SLCO5A1: variants seen among roughly 807,000 people sequenced by gnomAD.
SLCO5A1 encodes the protein solute carrier organic anion transporter family member 5A1.
In SLCO5A1, 39 loss-of-function variants were observed where a neutral mutation model predicts 65.1. The ratio of observed to expected loss-of-function variants is 0.60; its 90% CI spans 0.46 to 0.78. SLCO5A1 has a LOEUF of 0.78. Among genes scored for constraint, SLCO5A1 ranks in the 30% least tolerant of loss-of-function variants. The pLI is 0.00. For missense variants in SLCO5A1, 1,029 were observed against 1,069.4 expected, an observed-to-expected ratio of 0.96 and a Z score of 0.53; for synonymous variants, 438 against 415.7, an observed-to-expected ratio of 1.05 and a Z score of -0.65.
chr8:69,688,082 G>C (rs2933072), intron 6 of SLCO5A1, among the ~76,000 whole-genome samples: 56,995 of 151,678 alleles, frequency 0.38, 10,785 homozygotes, highest in South Asian at 0.55. Context: ...TTTGCTTATA[G>C]TTTTTATCCC....
At chr8:69,732,751 T>A (rs1199623301) in intron 5 of SLCO5A1, among the ~76,000 whole-genome samples, 1 of 151,980 alleles carries the variant, frequency 6.6e-6, no homozygotes, top group Non-Finnish European at 1.5e-5. Flanking sequence ...TAGCTAGGCA[T>A]GGTGGCGCAT....
chr8:69,709,432 C>G (rs551772878), intron 5 of SLCO5A1, among the ~76,000 whole-genome samples: 1 of 152,252 alleles, frequency 6.6e-6, no homozygotes, highest in East Asian at 1.9e-4. Flanking sequence ...TGGGCTAGAA[C>G]AGAGGATAAA....
chr8:69,797,829 T>C (rs940151085), intron 2 of SLCO5A1, among the ~76,000 whole-genome samples: 5 of 152,250 alleles, frequency 3.3e-5, no homozygotes, highest in African/African-American at 1.2e-4. Flanking sequence ...ATTTTAATTT[T>C]GCCCCGGTCC....
In SLCO5A1 at chr8:69,804,112, A is replaced by C. The variant is rs114413171; in HGVS notation, c.907+27655T>G. On this transcript the variant is annotated intron_variant, in intron 2 of 9. Coordinates refer to ENST00000260126, the MANE Select transcript of SLCO5A1 (RefSeq NM_030958.3). ...AAAGAGTTGCCTTCCTTGTGGGAGC[A>C]AGCGAGAGACCATGCAAAAGTTAAG... Among the ~76,000 whole-genome samples, 895 of 152,292 alleles carry C rather than the reference A, an allele frequency of 5.9e-3. 10 individuals are homozygous for C. Among genetic ancestry groups the C allele is most frequent in the African/African-American group, 0.02 (842 of 41,556 alleles).
chr8:69,704,059 C>A (rs534295602), intron 6 of SLCO5A1, among the ~76,000 whole-genome samples: 3 of 151,472 alleles, frequency 2.0e-5, no homozygotes, highest in African/African-American at 7.3e-5. Flanking sequence ...CAAATCAGGG[C>A]TTTTTTTTAC....
At chr8:69,831,676 A>G in intron 2 of SLCO5A1, 91 bp downstream of exon 2, 1 of 1,345,650 alleles carries the variant, frequency 7.4e-7, no homozygotes, top group South Asian at 1.4e-5. Context: ...TATACATGAA[A>G]ATGTGAAAGA....
In SLCO5A1 at chr8:69,673,331, AG is replaced by A; in HGVS notation, c.2090-6del. ...AGATTGGAGTAGGAATGTATGCTAG[AG>A]GGGTGGAGAAGAAGAAAATACGAAG... On this transcript the variant is annotated splice_region_variant and splice_polypyrimidine_tract_variant and intron_variant, in intron 9 of 9. Coordinates refer to ENST00000260126, the MANE Select transcript of SLCO5A1 (RefSeq NM_030958.3). 4 of 1,603,860 alleles carry A rather than the reference AG, an allele frequency of 2.5e-6. No homozygotes were observed. The highest frequency in any genetic ancestry group is 3.4e-6 in the Non-Finnish European group (4 of 1,172,858).
At chr8:69,818,766 T>A (rs554858904) in intron 2 of SLCO5A1, among the ~76,000 whole-genome samples, 1 of 152,228 alleles carries the variant, frequency 6.6e-6, no homozygotes, top group Admixed American at 6.5e-5. Flanking sequence ...CAAAATTCAA[T>A]CATTACTGTT....
At chr8:69,799,299 A>G (rs1819636747) in intron 2 of SLCO5A1, among the ~76,000 whole-genome samples, 1 of 152,214 alleles carries the variant, frequency 6.6e-6, no homozygotes, top group South Asian at 2.1e-4. Flanking sequence ...ATTTCCCACA[A>G]ATAAAAAGAA....
At chr8:69,729,297 A>G (rs1816228050) in intron 5 of SLCO5A1, among the ~76,000 whole-genome samples, 1 of 151,916 alleles carries the variant, frequency 6.6e-6, no homozygotes, top group Non-Finnish European at 1.5e-5. Flanking sequence ...ACAAAACATT[A>G]GCCGGGCGAG....
rs959438179 is a variant in SLCO5A1, at chr8:69,832,994, T to TCCG, written c.-324_-322dup. 2.1e-4 allele frequency: 72 copies of TCCG among 339,174 alleles called. No homozygotes were observed. Among genetic ancestry groups the TCCG allele is most frequent in the African/African-American group, 6.6e-4 (30 of 45,524 alleles). 21.0% of individuals were successfully genotyped at this position (339,174 alleles called of 1,614,324 possible). The stretch of plus-strand genomic sequence containing the variant: ...CCTCGCGCGTCCCGGGCTCATCCCC[T>TCCG]CCGCCGCCGCCGCCGCCGCCGCCGC... On this transcript the variant is annotated 5_prime_UTR_variant, in exon 2 of 10. Transcript: ENST00000260126. The surrounding 1 kb of genome is among the most constrained non-coding windows in gnomAD (Gnocchi z 4.5).
At chr8:69,770,762 AGT>A (rs1162360863) in intron 2 of SLCO5A1, among the ~76,000 whole-genome samples, 2 of 152,220 alleles carry the variant, frequency 1.3e-5, no homozygotes, top group African/African-American at 2.4e-5. Context: ...TGCCCCCGCC[AGT>A]GTTTCCTGCA....
At chr8:69,756,036 CTT>C (rs33960552) in intron 3 of SLCO5A1, among the ~76,000 whole-genome samples, 1 of 151,878 alleles carries the variant, frequency 6.6e-6, no homozygotes, top group Non-Finnish European at 1.5e-5. Context: ...CCAATATAGA[CTT>C]TTTTTTGTCA....
At chr8:69,735,327 C>A (rs1278337169) in intron 5 of SLCO5A1, among the ~76,000 whole-genome samples, 1 of 152,128 alleles carries the variant, frequency 6.6e-6, no homozygotes, top group African/African-American at 2.4e-5. Context: ...TGGGGATATA[C>A]CCAAAGGAAT....
intron 6 of SLCO5A1, among the ~76,000 whole-genome samples, chr8:69,694,621 A>T (rs1190466103): frequency 6.6e-6 from 1 of 152,182 alleles, no homozygotes; most frequent in Non-Finnish European, 1.5e-5. Flanking sequence ...AAAGGATTCC[A>T]TTTTTGTTCA....
At chr8:69,799,758 A>T (rs1586814005) in intron 2 of SLCO5A1, among the ~76,000 whole-genome samples, 2 of 152,302 alleles carry the variant, frequency 1.3e-5, no homozygotes, top group Admixed American at 1.3e-4. Context: ...AAACCATCAG[A>T]TCTTGTGAGA....
At chr8:69,785,499 G>T (rs1442786216) in intron 2 of SLCO5A1, among the ~76,000 whole-genome samples, 1 of 152,180 alleles carries the variant, frequency 6.6e-6, no homozygotes, top group Non-Finnish European at 1.5e-5. Context: ...AGGAAGAAGA[G>T]AATGAATACT....
chr8:69,676,337 T>C (rs867593304), intron 9 of SLCO5A1, among the ~76,000 whole-genome samples: 1 of 152,184 alleles, frequency 6.6e-6, no homozygotes, highest in African/African-American at 2.4e-5. Flanking sequence ...TCCTATTTCT[T>C]ACTGTGCAAA....
At chr8:69,735,952 T>G (rs1816536019) in intron 5 of SLCO5A1, among the ~76,000 whole-genome samples, 1 of 152,240 alleles carries the variant, frequency 6.6e-6, no homozygotes, top group African/African-American at 2.4e-5. Context: ...TGACTATTAT[T>G]ATTTGCTGCC....
Sources: allele counts gnomAD v4.1 joint callset (sites outside exome capture counted in the v4.1 genomes callset), GRCh38; gene constraint gnomAD v4.1.1; non-coding constraint Gnocchi (gnomAD v3.1); transcripts MANE v1.5; gene names NCBI Gene and HGNC (gene_info 2026-07-23, HGNC 2026-07-21).